The following DPYD variants were observed in gnomAD, a reference collection of about 807,000 sequenced individuals.
DPYD encodes the protein dihydropyrimidine dehydrogenase [NADP(+)].
Under a neutral mutation model 116.2 loss-of-function variants are expected in DPYD, and 109 were observed. The ratio of observed to expected loss-of-function variants is 0.94; its 90% CI spans 0.80 to 1.10. The LOEUF (loss-of-function observed/expected upper bound fraction) is 1.10. Among genes scored for constraint, DPYD ranks in the 50% least tolerant of loss-of-function variants. The pLI is 0.00. For missense variants in DPYD, 1,302 were observed against 1,254.5 expected (o/e 1.04, Z -0.57); for synonymous variants, 440 against 432.0 (o/e 1.02, Z -0.23).
At chr1:97,556,894 T>C (rs1401326141) in intron 11 of DPYD, among the ~76,000 whole-genome samples, 3 of 150,254 alleles carry the variant, frequency 2.0e-5, no homozygotes, top group Non-Finnish European at 4.5e-5. Context: ...CTGGGTCAAA[T>C]GGTATTTCCA....
intron 3 of DPYD, among the ~76,000 whole-genome samples, chr1:97,813,726 T>C (rs1557981162): frequency 6.6e-6 from 1 of 152,180 alleles, no homozygotes; most frequent in African/African-American, 2.4e-5. Flanking sequence ...TTAGAAAACA[T>C]ACTAAATTAA....
chr1:97,494,847 C>G (rs1679175634), intron 13 of DPYD, among the ~76,000 whole-genome samples: 1 of 151,994 alleles, frequency 6.6e-6, no homozygotes, highest in African/African-American at 2.4e-5. Flanking sequence ...AAGCCGGCTC[C>G]TGAGGATGAA....
In DPYD at chr1:97,593,272, AC is replaced by A; in HGVS notation, c.1073del (p.Arg358LeufsTer13). ...ATSALRCGARRVFIVFRKGFV... is the reference protein window; with the variant it reads ...ATSALRCGARXVFIVFRKGFV... ...AGCCTTTTCTGAAGACGATGAACAC[AC>A]GGCGAGCTCCACAACGTAGAGCAGA... On this transcript the variant is annotated frameshift_variant, in exon 10 of 23. Coordinates refer to ENST00000370192, the MANE Select transcript of DPYD (RefSeq NM_000110.4). LOFTEE classifies it high-confidence loss of function. 1 of 1,614,150 alleles carries A rather than the reference AC, an allele frequency of 6.2e-7. No individual in the cohort carries two copies. The highest frequency in any genetic ancestry group is 8.5e-7 in the Non-Finnish European group (1 of 1,180,022).
chr1:97,495,624 C>G (rs1250323383), intron 13 of DPYD, among the ~76,000 whole-genome samples: 2 of 151,942 alleles, frequency 1.3e-5, no homozygotes, highest in Non-Finnish European at 2.9e-5. Flanking sequence ...GACACCTCTG[C>G]TGGGTGGGAG....
chr1:97,385,297 A>G (rs75859033), intron 14 of DPYD, among the ~76,000 whole-genome samples: 207 of 86,480 alleles, frequency 2.4e-3, no homozygotes, highest in Non-Finnish European at 5.5e-3. Flanking sequence ...AAAAAAAAAA[A>G]AAAAAAAAAA....
At chr1:97,324,077 G>A (rs1273810672) in intron 16 of DPYD, among the ~76,000 whole-genome samples, 1 of 152,046 alleles carries the variant, frequency 6.6e-6, no homozygotes, top group Non-Finnish European at 1.5e-5. Flanking sequence ...CATGATGGCA[G>A]TAGTGGTGGA....
intron 16 of DPYD, among the ~76,000 whole-genome samples, chr1:97,362,107 C>T (rs147193697): frequency 1.3e-5 from 2 of 152,330 alleles, no homozygotes; most frequent in South Asian, 4.1e-4. Context: ...TCAGCAAAGT[C>T]TCAGGATACA....
At chr1:97,535,287 C>T (rs1048000750) in intron 12 of DPYD, among the ~76,000 whole-genome samples, 6 of 152,116 alleles carry the variant, frequency 3.9e-5, no homozygotes, top group African/African-American at 1.4e-4. Context: ...TATTTAAATT[C>T]TCCACAGCAA....
rs1413835870 is a variant in DPYD at position 97,352,500 on chromosome 1, T to C, written c.2058+21061A>G. Among the ~76,000 whole-genome samples the C allele has an allele frequency of 1.3e-5, 2 of 152,012 alleles. 1 individual carries two copies. The highest frequency in any genetic ancestry group is 4.1e-4 in the South Asian group (2 of 4,822). On this transcript the variant is annotated intron_variant, in intron 16 of 22. Coordinates refer to ENST00000370192, the MANE Select transcript of DPYD (RefSeq NM_000110.4). ...ATTTACAAGAAATAGTGTCAAAAATTTGTCACTTTGGAAAAGACTTGCTCT... is the reference window on the plus strand; with the variant it reads ...ATTTACAAGAAATAGTGTCAAAAATCTGTCACTTTGGAAAAGACTTGCTCT...
chr1:97,178,560 T>C (rs1354897181), intron 20 of DPYD, among the ~76,000 whole-genome samples: 7 of 152,122 alleles, frequency 4.6e-5, no homozygotes, highest in Non-Finnish European at 1.0e-4. Context: ...ACTGCCCCCA[T>C]GATCCAGTCA....
chr1:97,415,648 A>G (rs1367160256), intron 14 of DPYD, among the ~76,000 whole-genome samples: 2 of 152,108 alleles, frequency 1.3e-5, no homozygotes, highest in Non-Finnish European at 2.9e-5. Context: ...AAAAAATACT[A>G]TGCTTCCTGA....
intron 3 of DPYD, among the ~76,000 whole-genome samples, chr1:97,760,900 A>G (rs1665537697): frequency 6.6e-6 from 1 of 152,136 alleles, no homozygotes; most frequent in South Asian, 2.1e-4. Context: ...CCAGGTGGAT[A>G]GGACTGATCT....
chr1:97,473,972 A>T (rs1677802476), intron 13 of DPYD, among the ~76,000 whole-genome samples: 1 of 149,372 alleles, frequency 6.7e-6, no homozygotes, highest in Non-Finnish European at 1.5e-5. Context: ...TGATCATGCC[A>T]CTCACTGCAC....
At chr1:97,759,781 A>G (rs564678096) in intron 3 of DPYD, among the ~76,000 whole-genome samples, 1 of 152,172 alleles carries the variant, frequency 6.6e-6, no homozygotes, top group Non-Finnish European at 1.5e-5. Context: ...TATTTATTGA[A>G]CATTTCCTAG....
chr1:97,500,884 AC>A (rs2101930171), intron 13 of DPYD, among the ~76,000 whole-genome samples: 1 of 152,168 alleles, frequency 6.6e-6, no homozygotes, highest in East Asian at 1.9e-4. Context: ...TGCCAATTAT[AC>A]AAGCTGCTTC....
At chr1:97,691,685 G>A in intron 7 of DPYD, 32 bp downstream of exon 7, 2 of 1,559,086 alleles carry the variant, frequency 1.3e-6, no homozygotes, top group Non-Finnish European at 1.8e-6. Flanking sequence ...TTCTTTTTGA[G>A]CAGTACACAG....
chr1:97,264,778 A>G (rs1376195836), intron 18 of DPYD, among the ~76,000 whole-genome samples: 1 of 147,498 alleles, frequency 6.8e-6, no homozygotes, highest in Non-Finnish European at 1.5e-5. Flanking sequence ...TTAAATTGGG[A>G]CTCGAACCTG....
chr1:97,442,914 T>A (rs1435119083), intron 14 of DPYD, among the ~76,000 whole-genome samples: 3 of 152,196 alleles, frequency 2.0e-5, no homozygotes, highest in Non-Finnish European at 2.9e-5. Flanking sequence ...AAAGTAGGGA[T>A]AAAAACCAAA....
intron 1 of DPYD, among the ~76,000 whole-genome samples, chr1:97,920,254 C>CA (rs1242641240): frequency 6.6e-6 from 1 of 151,972 alleles, no homozygotes; most frequent in Non-Finnish European, 1.5e-5. Flanking sequence ...AAACGGAGTG[C>CA]AAGAGGGAAT....
Sources: allele counts gnomAD v4.1 joint callset (sites outside exome capture counted in the v4.1 genomes callset), GRCh38; gene constraint gnomAD v4.1.1; transcripts MANE v1.5; gene names NCBI Gene and HGNC (gene_info 2026-07-23, HGNC 2026-07-21).